The following SART3 variants were observed in gnomAD, a reference collection of about 807,000 sequenced individuals.
The protein encoded by SART3 is spliceosome associated factor 3, U4/U6 recycling protein, also known as HIV-1 Tat-interacting protein of 110kDa.
Under a neutral mutation model 122.3 loss-of-function variants are expected in SART3, and 44 were observed. The ratio of observed to expected loss-of-function variants is 0.36; its 90% CI spans 0.28 to 0.46. The LOEUF is 0.46. Among genes scored for constraint, SART3 ranks in the 20% least tolerant of loss-of-function variants. The probability of loss-of-function intolerance (pLI) is 1.00; values close to 1 mark genes in which losing one functional copy is unlikely to be tolerated. For synonymous variants in SART3, 442 were observed against 454.0 expected (o/e 0.97, Z 0.34); for missense variants, 1,101 against 1,229.0 (o/e 0.90, Z 1.56).
At position 108,544,977 on chromosome 12, in the gene SART3, A is replaced by G; in HGVS notation, c.729+162T>C. 3.8e-6 allele frequency: 3 copies of G among 799,430 alleles called. 1 individual carries two copies. In the South Asian group the frequency reaches 4.2e-5, roughly 11 times the overall value. 49.5% of individuals were successfully genotyped at this position (799,430 alleles called of 1,614,324 possible). On this transcript the variant is annotated intron_variant, in intron 4 of 18. Transcript: ENST00000546815. Reference sequence around the variant, plus strand: ...GTACCAAATGCTAGAAGGGGTATAAAAAAAGGTTATCTATCACCCCACCAC... The same window carrying G: ...GTACCAAATGCTAGAAGGGGTATAAGAAAAGGTTATCTATCACCCCACCAC...
rs1201798015 is a variant in SART3, at chr12:108,523,609, A to G, written c.2740T>C (p.Ser914Pro). 12 of 1,613,976 alleles carry G rather than the reference A, an allele frequency of 7.4e-6. No homozygotes were observed. Among genetic ancestry groups the G allele is most frequent in the Non-Finnish European group, 1.0e-5 (12 of 1,180,002 alleles). Residue 914 changes from serine to proline, a missense_variant, in exon 19 of 19, where the codon TCT (serine) becomes CCT (proline). Around this residue, in one of 2 missense-constraint regions of SART3, gnomAD observed 885 missense variants for 1,080.1 expected, o/e 0.82. Coordinates refer to ENST00000546815, the MANE Select transcript of SART3 (RefSeq NM_014706.4). ...GARGKGRTQL[S>P]LLPRALQRPS... Reference sequence around the variant, plus strand: ...CGCTGCAGGGCACGAGGCAGTAGAGACAGCTGCGTCCTTCCCTTCCCCCTC... The same window carrying G: ...CGCTGCAGGGCACGAGGCAGTAGAGGCAGCTGCGTCCTTCCCTTCCCCCTC...
chr12:108,554,355 C>T (rs979325225), intron 1 of SART3, among the ~76,000 whole-genome samples: 37 of 152,116 alleles, frequency 2.4e-4, no homozygotes, highest in Admixed American at 1.3e-3. Context: ...TACAAAAATC[C>T]TAAATAAAAT....
At position 108,523,622 on chromosome 12, in the gene SART3, T is replaced by G. The variant is rs775387913; in HGVS notation, c.2727A>C (p.Gly909=). The change falls in exon 19 of 19, where the codon GGA becomes GGC. Residue 909 remains glycine, a synonymous_variant. Coordinates refer to ENST00000546815, the MANE Select transcript of SART3 (RefSeq NM_014706.4). ...GAGGCAGTAGAGACAGCTGCGTCCTTCCCTTCCCCCTCCTAAAAGAGCAAA... is the reference window on the plus strand; with the variant it reads ...GAGGCAGTAGAGACAGCTGCGTCCTGCCCTTCCCCCTCCTAAAAGAGCAAA... ...LPQTYGARGK[G]RTQLSLLPRA... The G allele has an allele frequency of 3.1e-6, 5 of 1,613,932 alleles. No individual in the cohort carries two copies. In the Admixed American group the frequency reaches 6.7e-5, roughly 22 times the overall value.
Position 108,526,413 on chromosome 12 carries a change from C to T in SART3, c.2056G>A (p.Ala686Thr). 6.2e-7 allele frequency: 1 copy of T among 1,614,136 alleles called. No individual in the cohort carries two copies. Among genetic ancestry groups the T allele is most frequent in the South Asian group, 1.1e-5 (1 of 91,088 alleles). Residue 686 changes from alanine to threonine, a missense_variant, in exon 16 of 19, where the codon GCC becomes ACC. Physicochemically the swap from Ala to Thr is moderately conservative, Grantham distance 58. Around this residue, in one of 2 missense-constraint regions of SART3, gnomAD observed 885 missense variants for 1,080.1 expected, o/e 0.82. Transcript: ENST00000546815. The stretch of plus-strand genomic sequence containing the variant: ...TTGGGCATGTCCCTCTTCAGGGAGG[C>T]TGCCTTCTCCTTCTGCTTCGAAGGG... ...EPPSKQKEKA[A>T]SLKRDMPKVL...
chr12:108,534,488 G>A (rs1258710400), intron 12 of SART3, among the ~76,000 whole-genome samples: 2 of 151,418 alleles, frequency 1.3e-5, no homozygotes, highest in Non-Finnish European at 2.9e-5. Flanking sequence ...TGACCTACAT[G>A]GTGAAACTGT....
At chr12:108,552,904 A>C (rs2030067931) in intron 1 of SART3, among the ~76,000 whole-genome samples, 1 of 152,132 alleles carries the variant, frequency 6.6e-6, no homozygotes, top group Non-Finnish European at 1.5e-5. Context: ...AAAAAGAATA[A>C]AGTGGGAGTA....
At chr12:108,534,232 A>G (rs1273506282) in intron 12 of SART3, among the ~76,000 whole-genome samples, 1 of 152,190 alleles carries the variant, frequency 6.6e-6, no homozygotes, top group African/African-American at 2.4e-5. Flanking sequence ...AATTATAAAT[A>G]TCAATAGATA....
rs1246977587 is a variant in SART3, at chr12:108,542,955, T to C, written c.906+73A>G. 7 of 1,577,872 alleles carry C rather than the reference T, an allele frequency of 4.4e-6. No homozygotes were observed. In the African/African-American group the frequency reaches 6.8e-5, roughly 15 times the overall value. Reference sequence around the variant, plus strand: ...TCAGAATAAAACATTTTAAAGATACTGTTTAACTCGCAACTATCCATCAGG... The same window carrying C: ...TCAGAATAAAACATTTTAAAGATACCGTTTAACTCGCAACTATCCATCAGG... On this transcript the variant is annotated intron_variant, in intron 6 of 18. Coordinates refer to ENST00000546815, the MANE Select transcript of SART3 (RefSeq NM_014706.4).
chr12:108,538,543 G>A (rs1565861981), intron 7 of SART3, among the ~76,000 whole-genome samples: 1 of 152,132 alleles, frequency 6.6e-6, no homozygotes, highest in Non-Finnish European at 1.5e-5. Context: ...TAACACAGAA[G>A]GGACAAGTAG....
chr12:108,550,294 AG>A, intron 1 of SART3, among the ~76,000 whole-genome samples: 1 of 152,224 alleles, frequency 6.6e-6, no homozygotes, highest in East Asian at 1.9e-4. Context: ...AAGAAAGAAC[AG>A]GAAGAGCAGA....
At chr12:108,549,579 G>A (rs1324849899) in intron 1 of SART3, among the ~76,000 whole-genome samples, 1 of 152,114 alleles carries the variant, frequency 6.6e-6, no homozygotes, top group Non-Finnish European at 1.5e-5. Flanking sequence ...CTAGTTTCTA[G>A]CTCATACCAG....
rs73402741 is a variant in SART3, at chr12:108,523,002, C to G, written c.*455G>C. The G allele has an allele frequency of 1.1e-5, 2 of 183,420 alleles. No individual in the cohort carries two copies. The highest frequency in any genetic ancestry group is 2.8e-4 in the East Asian group (2 of 7,082). The allele number at this position is 183,420 out of a possible 1,614,324, so 11.4% of individuals were successfully genotyped here. On this transcript the variant is annotated 3_prime_UTR_variant, in exon 19 of 19. Coordinates refer to ENST00000546815, the MANE Select transcript of SART3 (RefSeq NM_014706.4). The stretch of plus-strand genomic sequence containing the variant: ...AGCTGACTTCCCTCAGACCCACCCC[C>G]ACAAGAGGCCATTCTGTGAATTACT...
chr12:108,525,661 C>T (rs1437769025), intron 16 of SART3, 52 bp from the exon 17 acceptor site: 2 of 1,572,208 alleles, frequency 1.3e-6, no homozygotes, highest in African/African-American at 1.3e-5. Context: ...CATGACCCAG[C>T]TCACCTGACT....
chr12:108,522,465 T>C lies in SART3; in HGVS notation c.*992A>G, dbSNP rs1016231431. On this transcript the variant is annotated 3_prime_UTR_variant, in exon 19 of 19. Coordinates refer to ENST00000546815, the MANE Select transcript of SART3 (RefSeq NM_014706.4). ...CTGTTGCTGTTTTCAAAGCAGTAAA[T>C]ATTATTTGATAAAAGATGTGAGGTA... The C allele has an allele frequency of 6.6e-5, 10 of 152,150 alleles. No individual in the cohort carries two copies. Among genetic ancestry groups the C allele is most frequent in the Admixed American group, 5.9e-4 (9 of 15,272 alleles). 9.4% of individuals were successfully genotyped at this position (152,150 alleles called of 1,614,324 possible).
At chr12:108,558,900 G>A (rs1280068641) in intron 1 of SART3, among the ~76,000 whole-genome samples, 2 of 152,032 alleles carry the variant, frequency 1.3e-5, no homozygotes, top group African/African-American at 4.8e-5. Flanking sequence ...GGACTTGGTG[G>A]CGGGCGCCTG....
chr12:108,548,981 C>A (rs2029885390), intron 2 of SART3, 107 bp downstream of exon 2: 4 of 1,551,252 alleles, frequency 2.6e-6, no homozygotes, highest in Non-Finnish European at 3.5e-6. Flanking sequence ...TTCCACTACA[C>A]TGAACGTTCC....
In SART3 at chr12:108,543,164, T is replaced by C; in HGVS notation, c.782-12A>G. The C allele has an allele frequency of 6.2e-7, 1 of 1,614,070 alleles. No homozygotes were observed. On this transcript the variant is annotated splice_polypyrimidine_tract_variant and intron_variant, in intron 5 of 18. Transcript: ENST00000546815. Reference sequence around the variant, plus strand: ...TGTGGCCTCCATATCTATTGAAAGATGGATTCAGCCCCGTGGGTCTTGCCA... The same window carrying C: ...TGTGGCCTCCATATCTATTGAAAGACGGATTCAGCCCCGTGGGTCTTGCCA...
At chr12:108,540,377 G>GA (rs1873103300) in intron 6 of SART3, among the ~76,000 whole-genome samples, 1 of 152,110 alleles carries the variant, frequency 6.6e-6, no homozygotes, top group African/African-American at 2.4e-5. Flanking sequence ...TTTGAACACA[G>GA]AAAATCTGTT....
At chr12:108,558,523 T>C (rs2030327147) in intron 1 of SART3, among the ~76,000 whole-genome samples, 1 of 152,194 alleles carries the variant, frequency 6.6e-6, no homozygotes, top group South Asian at 2.1e-4. Context: ...TCCCCTTTCT[T>C]GCTCTTTAGC....
Sources: allele counts gnomAD v4.1 joint callset (sites outside exome capture counted in the v4.1 genomes callset), GRCh38; gene constraint gnomAD v4.1.1; regional missense constraint gnomAD v4.1.1; transcripts MANE v1.5; gene names NCBI Gene and HGNC (gene_info 2026-07-23, HGNC 2026-07-21).